The following PDE1C variants were observed in gnomAD, a reference collection of about 807,000 sequenced individuals.
PDE1C encodes the protein phosphodiesterase 1C.
PDE1C carries 62 observed loss-of-function variants against 93.1 expected under a neutral mutation model. That is an observed-to-expected ratio of 0.67 (90% CI 0.54 to 0.82). The LOEUF is 0.82. PDE1C is among the 40% of genes least tolerant of loss of function. The pLI, the probability that PDE1C is intolerant of heterozygous loss-of-function variation, is 0.00. For synonymous variants in PDE1C, 325 were observed against 310.1 expected (o/e 1.05, Z -0.50); for missense variants, 742 against 884.6 (o/e 0.84, Z 2.04).
At chr7:31,794,262 G>C (rs1785023270) in intron 16 of PDE1C, among the ~76,000 whole-genome samples, 1 of 151,984 alleles carries the variant, frequency 6.6e-6, no homozygotes, top group Non-Finnish European at 1.5e-5. Flanking sequence ...ACAAAGAACA[G>C]TTAGTTTAGT....
intron 3 of PDE1C, among the ~76,000 whole-genome samples, chr7:32,118,148 C>T (rs1233882423): frequency 1.3e-5 from 2 of 152,152 alleles, no homozygotes; most frequent in African/African-American, 2.4e-5. Flanking sequence ...GGTTACATGG[C>T]ATCGCCATGG....
At chr7:32,376,254 G>A (rs1784430660) in intron 1 of PDE1C, among the ~76,000 whole-genome samples, 1 of 152,174 alleles carries the variant, frequency 6.6e-6, no homozygotes, top group Non-Finnish European at 1.5e-5. Flanking sequence ...TAGCCACATG[G>A]CATTAGCAAA....
intron 2 of PDE1C, among the ~76,000 whole-genome samples, chr7:32,039,638 T>C (rs1229951950): frequency 6.6e-6 from 1 of 152,234 alleles, no homozygotes; most frequent in Non-Finnish European, 1.5e-5. Flanking sequence ...TCAGAAGCAC[T>C]GGACTTTTAT....
rs138648052 is a variant in PDE1C, at chr7:32,327,581, A to G, written c.310+100241T>C. Among the ~76,000 whole-genome samples the G allele has an allele frequency of 7.0e-3, 1,073 of 152,258 alleles. 15 individuals are homozygous for G. Among genetic ancestry groups the G allele is most frequent in the African/African-American group, 0.025 (1,031 of 41,544 alleles). On this transcript the variant is annotated intron_variant, in intron 1 of 1. Coordinates refer to the PDE1C transcript ENST00000672256. ...CAGGAGATCAAGACCATCCTGGCCA[A>G]CATGGTGAAACCTTGTCTCTACTAA... is the stretch of plus-strand genomic sequence containing the variant.
intron 5 of PDE1C, among the ~76,000 whole-genome samples, chr7:31,873,932 T>C (rs1290120058): frequency 6.6e-6 from 1 of 152,220 alleles, no homozygotes; most frequent in African/African-American, 2.4e-5. Context: ...CCCTTGACAC[T>C]ATCCAATGAC....
chr7:31,826,021 C>A (rs1789614674), intron 12 of PDE1C, among the ~76,000 whole-genome samples: 1 of 152,074 alleles, frequency 6.6e-6, no homozygotes, highest in Non-Finnish European at 1.5e-5. Context: ...TGGCTGAAGT[C>A]GGGCTACAGA....
chr7:31,656,604 A>T, the PDE1C span: 2 of 478,378 alleles, frequency 4.2e-6, no homozygotes, highest in South Asian at 1.8e-4. Flanking sequence ...AGGATAAATT[A>T]TCAGTCTCAG....
intron 1 of PDE1C, among the ~76,000 whole-genome samples, chr7:32,232,463 T>C (rs1562602419): frequency 6.6e-6 from 1 of 152,214 alleles, no homozygotes; most frequent in Admixed American, 6.5e-5. Flanking sequence ...TAAACCCCCA[T>C]TGCATTTTTT....
intron 1 of PDE1C, among the ~76,000 whole-genome samples, chr7:32,231,048 TGGGAAAATTTA>T (rs1807658133): frequency 6.6e-6 from 1 of 152,196 alleles, no homozygotes; most frequent in African/African-American, 2.4e-5. Context: ...AAAGAAGGTC[TGGGAAAATTTA>T]ACCTTTTCAT....
chr7:32,013,332 A>T (rs1787420160), intron 2 of PDE1C, among the ~76,000 whole-genome samples: 1 of 152,244 alleles, frequency 6.6e-6, no homozygotes. Flanking sequence ...CCCTGGTGCC[A>T]TAAAGAAATA....
At chr7:32,234,372 A>G (rs1807921281) in intron 1 of PDE1C, among the ~76,000 whole-genome samples, 1 of 151,982 alleles carries the variant, frequency 6.6e-6, no homozygotes, top group East Asian at 1.9e-4. Flanking sequence ...AAACCTGAAG[A>G]CAGCAAGACA....
intron 1 of PDE1C, among the ~76,000 whole-genome samples, chr7:32,289,885 A>C (rs1220914687): frequency 6.6e-6 from 1 of 152,218 alleles, no homozygotes; most frequent in Non-Finnish European, 1.5e-5. Context: ...CATTTGGGGA[A>C]GCAGAGAGAA....
chr7:31,921,154 A>C (rs7793311), intron 2 of PDE1C, among the ~76,000 whole-genome samples: 30,450 of 152,166 alleles, frequency 0.2, 3,755 homozygotes, highest in Non-Finnish European at 0.28. Flanking sequence ...CAGGCTAGAA[A>C]ACATAAAGTA....
chr7:31,766,626 G>A (rs1795164061), intron 17 of PDE1C, among the ~76,000 whole-genome samples: 1 of 152,256 alleles, frequency 6.6e-6, no homozygotes, highest in Non-Finnish European at 1.5e-5. Flanking sequence ...ATTTATCATT[G>A]CTGCGCATTT....
chr7:32,037,765 C>T (rs75017422), intron 2 of PDE1C, among the ~76,000 whole-genome samples: 2,882 of 152,170 alleles, frequency 0.019, 102 homozygotes, highest in African/African-American at 0.065. Flanking sequence ...GGGCAGAAAC[C>T]ACATTTCATT....
chr7:31,634,480 G>A, the PDE1C span, among the ~76,000 whole-genome samples: 1 of 152,164 alleles, frequency 6.6e-6, no homozygotes, highest in East Asian at 1.9e-4. Flanking sequence ...CCCTATGAGG[G>A]GACAGACTCA....
rs139243957 is a variant in PDE1C at position 32,169,627 on chromosome 7, C to A, written c.308+158G>T. On this transcript the variant is annotated intron_variant, in intron 3 of 18. Transcript: ENST00000396193. The stretch of plus-strand genomic sequence containing the variant: ...ACATTCAGGAAATACAGCCAGAAGT[C>A]CAGCTAGCATTGATTCCAACCCTCC... Among the ~76,000 whole-genome samples, 9 of 152,292 alleles carry A rather than the reference C, an allele frequency of 5.9e-5. No individual in the cohort carries two copies. In the East Asian group the frequency reaches 1.4e-3, roughly 23 times the overall value.
At chr7:32,246,082 C>A (rs1043058331) in intron 1 of PDE1C, among the ~76,000 whole-genome samples, 3 of 151,630 alleles carry the variant, frequency 2.0e-5, no homozygotes, top group Non-Finnish European at 4.4e-5. Flanking sequence ...AGTCCTCACG[C>A]CCCAGCCTCC....
At chr7:32,196,142 C>T (rs1804597104) in intron 2 of PDE1C, among the ~76,000 whole-genome samples, 1 of 152,138 alleles carries the variant, frequency 6.6e-6, no homozygotes, top group Non-Finnish European at 1.5e-5. Context: ...AAAGGGCCAG[C>T]TCTCTGTTTA....
Sources: gnomAD v4.1 joint callset for allele counts (sites outside exome capture counted in the v4.1 genomes callset) on GRCh38, gnomAD v4.1.1 for gene constraint, MANE v1.5 for transcripts, NCBI Gene and HGNC (gene_info 2026-07-23, HGNC 2026-07-21) for gene names.